The following STK10 variants were observed in gnomAD, a reference collection of about 807,000 sequenced individuals.
STK10 encodes serine/threonine kinase 10.
Under a neutral mutation model 113.8 loss-of-function variants are expected in STK10, and 78 were observed. The ratio of observed to expected loss-of-function variants is 0.69; its 90% CI spans 0.57 to 0.83. The LOEUF is 0.83. STK10 is among the 40% of genes least tolerant of loss of function. The pLI, the probability that STK10 is intolerant of heterozygous loss-of-function variation, is 0.00. For synonymous variants in STK10, 465 were observed against 494.7 expected (o/e 0.94, Z 0.80); for missense variants, 1,109 against 1,280.1 (o/e 0.87, Z 2.04).
At chr5:172,112,051 G>C (rs1394613211) in intron 4 of STK10, among the ~76,000 whole-genome samples, 2 of 152,200 alleles carry the variant, frequency 1.3e-5, no homozygotes, top group East Asian at 3.8e-4. Flanking sequence ...ATTGCTGAAT[G>C]GTTAGATAAG....
intron 7 of STK10, among the ~76,000 whole-genome samples, chr5:172,097,060 CAG>C (rs1273049126): frequency 6.6e-6 from 1 of 152,196 alleles, no homozygotes; most frequent in Non-Finnish European, 1.5e-5. Flanking sequence ...TTTTTTGAGA[CAG>C]AGTTTCACTC....
At chr5:172,162,327 G>A (rs759290069) in intron 1 of STK10, among the ~76,000 whole-genome samples, 19 of 151,964 alleles carry the variant, frequency 1.3e-4, no homozygotes, top group Non-Finnish European at 2.1e-4. Context: ...AACAGAGTGA[G>A]ACTCCATCTC....
chr5:172,087,256 CTTATTTATTTATTTAT>C (rs59070930), intron 10 of STK10, among the ~76,000 whole-genome samples: 1 of 150,130 alleles, frequency 6.7e-6, no homozygotes, highest in Non-Finnish European at 1.5e-5. Context: ...TTGGTTTTGG[CTTATTTATTTATTTAT>C]TTATTTATTT....
chr5:172,155,047 C>T (rs1479908529), intron 2 of STK10, among the ~76,000 whole-genome samples: 1 of 127,592 alleles, frequency 7.8e-6, no homozygotes, highest in East Asian at 2.4e-4. Flanking sequence ...TTAATGGGTA[C>T]ATAGTCAGCA....
rs184298044 is a variant in STK10, at chr5:172,160,361, G to A, written c.157-3573C>T. Among the ~76,000 whole-genome samples, 63 of 151,652 alleles carry A rather than the reference G, an allele frequency of 4.2e-4. 1 individual carries two copies. In the East Asian group the frequency reaches 9.4e-3, roughly 23 times the overall value. ...GTGGTGGCACATGCCTGTAATCTCA[G>A]CTACTCAAGAGGCTGATGTGGGAGA... is the stretch of plus-strand genomic sequence containing the variant. On this transcript the variant is annotated intron_variant, in intron 1 of 18. Coordinates refer to ENST00000176763, the MANE Select transcript of STK10 (RefSeq NM_005990.4).
intron 10 of STK10, among the ~76,000 whole-genome samples, chr5:172,084,997 T>C (rs1768518436): frequency 6.6e-6 from 1 of 152,106 alleles, no homozygotes; most frequent in South Asian, 2.1e-4. Context: ...ATAATCCCAG[T>C]ACTTTGGGAG....
At chr5:172,132,942 C>T (rs1490913319) in intron 2 of STK10, among the ~76,000 whole-genome samples, 1 of 152,170 alleles carries the variant, frequency 6.6e-6, no homozygotes. Flanking sequence ...CGGTCATTAA[C>T]CTGCCTTAGA....
chr5:172,067,823 G>A (rs1280220675), intron 12 of STK10, among the ~76,000 whole-genome samples: 1 of 151,988 alleles, frequency 6.6e-6, no homozygotes, highest in Non-Finnish European at 1.5e-5. Context: ...AGGAACTTAT[G>A]GGAAAATTAT....
At chr5:172,121,838 TTACAGGC>T (rs1769517534) in intron 3 of STK10, among the ~76,000 whole-genome samples, 1 of 151,964 alleles carries the variant, frequency 6.6e-6, no homozygotes, top group Non-Finnish European at 1.5e-5. Context: ...AGTGTTGGGA[TTACAGGC>T]ATGGGCCACT....
intron 3 of STK10, among the ~76,000 whole-genome samples, chr5:172,124,519 G>A (rs1769580492): frequency 1.3e-5 from 2 of 152,082 alleles, no homozygotes; most frequent in Admixed American, 6.6e-5. Flanking sequence ...TATCCTCCCT[G>A]CTACTGTCAT....
At chr5:172,061,090 T>C (rs1581135362) in intron 14 of STK10, 49 bp downstream of exon 14, 1 of 1,557,508 alleles carries the variant, frequency 6.4e-7, no homozygotes, top group Non-Finnish European at 8.7e-7. Flanking sequence ...GGCTGGGATG[T>C]CCACAGCGAC....
intron 2 of STK10, among the ~76,000 whole-genome samples, chr5:172,135,258 A>T (rs1769828089): frequency 6.6e-6 from 1 of 152,154 alleles, no homozygotes; most frequent in Non-Finnish European, 1.5e-5. Context: ...CACGTCTGTG[A>T]TCCCAGCACT....
chr5:172,046,731 A>G (rs1339736971), intron 18 of STK10, among the ~76,000 whole-genome samples: 1 of 152,188 alleles, frequency 6.6e-6, no homozygotes, highest in African/African-American at 2.4e-5. Flanking sequence ...TTTGGTCTCT[A>G]TTGTGACTAC....
chr5:172,082,887 C>T lies in STK10; in HGVS notation c.1809+74G>A, dbSNP rs1165272892. ...TTACTCTCCACTACCCAATCATTCC[C>T]ACTATGTAGCTTCCACTGAGAGAAC... is the stretch of plus-strand genomic sequence containing the variant. On this transcript the variant is annotated intron_variant, in intron 11 of 18. Transcript: ENST00000176763. The surrounding 1 kb of genome is among the most constrained non-coding windows in gnomAD (Gnocchi z 4.3). The T allele has an allele frequency of 6.3e-7, 1 of 1,580,874 alleles. No homozygotes were observed. Among genetic ancestry groups the T allele is most frequent in the African/African-American group, 1.4e-5 (1 of 72,882 alleles).
At chr5:172,089,415 T>TGGATGGATGGATGGATGGATGGATGGAA (rs1413288092) in intron 10 of STK10, among the ~76,000 whole-genome samples, 17,298 of 148,002 alleles carry the variant, frequency 0.12, 1,093 homozygotes, top group African/African-American at 0.14. Context: ...GATGGATGGA[T>TGGATGGATGGATGGATGGATGGATGGAA]GGATGGATGG....
In STK10 at chr5:172,082,549, A is replaced by G. The variant is rs1386582376; in HGVS notation, c.1810-44T>C. The G allele has an allele frequency of 2.0e-6, 3 of 1,534,462 alleles. No individual in the cohort carries two copies. The highest frequency in any genetic ancestry group is 2.6e-6 in the Non-Finnish European group (3 of 1,141,808). Reference sequence around the variant, plus strand: ...CTGAGAAACTTAGCGAAGTCACTTTATACCTGGGAGGGACATGGGAAGTGG... The same window carrying G: ...CTGAGAAACTTAGCGAAGTCACTTTGTACCTGGGAGGGACATGGGAAGTGG... On this transcript the variant is annotated intron_variant, in intron 11 of 18. Coordinates refer to ENST00000176763, the MANE Select transcript of STK10 (RefSeq NM_005990.4). The surrounding 1 kb of genome is among the most constrained non-coding windows in gnomAD (Gnocchi z 4.3).
intron 8 of STK10, 76 bp downstream of exon 8, chr5:172,096,350 C>A (rs1330760622): frequency 4.4e-6 from 7 of 1,582,736 alleles, no homozygotes; most frequent in Non-Finnish European, 5.1e-6. Flanking sequence ...GCCTTCCCTG[C>A]CCCTCCCACA....
chr5:172,107,818 A>G lies in STK10; in HGVS notation c.555T>C (p.Thr185=), dbSNP rs766048487. Residue 185 remains threonine, a synonymous_variant, in exon 5 of 19, where the codon ACT becomes ACC. Coordinates refer to ENST00000176763, the MANE Select transcript of STK10 (RefSeq NM_005990.4). ...DFGVSAKNLK[T]LQKRDSFIGT... ...CGATGAAGGAATCTCGTTTCTGTAG[A>G]GTCTTCAGATTCTTGGCAGACACAC... 1 of 1,614,196 alleles carries G rather than the reference A, an allele frequency of 6.2e-7. No individual in the cohort carries two copies. The highest frequency in any genetic ancestry group is 1.1e-5 in the South Asian group (1 of 91,082).
chr5:172,104,254 C>G (rs1384929044), intron 7 of STK10, among the ~76,000 whole-genome samples: 2 of 152,244 alleles, frequency 1.3e-5, no homozygotes, highest in East Asian at 1.9e-4. Flanking sequence ...ATTCCTCCCC[C>G]TCTTCCATCA....
Sources: gnomAD v4.1 joint callset for allele counts (sites outside exome capture counted in the v4.1 genomes callset) on GRCh38, gnomAD v4.1.1 for gene constraint, Gnocchi (gnomAD v3.1) non-coding constraint, MANE v1.5 for transcripts, NCBI Gene and HGNC (gene_info 2026-07-23, HGNC 2026-07-21) for gene names.